The following PARP11 variants were observed in gnomAD, a reference collection of about 807,000 sequenced individuals.
PARP11 encodes the protein poly(ADP-ribose) polymerase family member 11, also known as protein mono-ADP-ribosyltransferase PARP11.
Under a neutral mutation model 42.9 loss-of-function variants are expected in PARP11, and 31 were observed. The ratio of observed to expected loss-of-function variants is 0.72; its 90% CI spans 0.54 to 0.98. The LOEUF is 0.98. Ranked by LOEUF, PARP11 falls within the 50% of genes least tolerant of loss-of-function variation. PARP11 has a pLI of 0.00. For missense variants in PARP11, 365 were observed against 413.1 expected (o/e 0.88, Z 1.01); for synonymous variants, 137 against 127.3 (o/e 1.08, Z -0.51).
chr12:3,852,366 C>T (rs903348579), intron 1 of PARP11, among the ~76,000 whole-genome samples: 38 of 152,184 alleles, frequency 2.5e-4, no homozygotes, highest in Admixed American at 2.1e-3. Flanking sequence ...TTGAACCCAT[C>T]GCAAGGAAGC....
chr12:3,839,586 A>G, intron 1 of PARP11: 2 of 1,318,482 alleles, frequency 1.5e-6, no homozygotes, highest in South Asian at 2.4e-5. Flanking sequence ...AGCGCTTGGA[A>G]AATCCACAGG....
At chr12:3,842,503 G>A in intron 1 of PARP11, 3 of 1,595,410 alleles carry the variant, frequency 1.9e-6, no homozygotes, top group Non-Finnish European at 2.6e-6. Flanking sequence ...TGGCCATAGG[G>A]GACAGCACGC....
intron 7 of PARP11, among the ~76,000 whole-genome samples, chr12:3,813,073 G>A (rs551581069): frequency 7.2e-5 from 11 of 152,248 alleles, no homozygotes; most frequent in African/African-American, 2.4e-4. Context: ...CCAAACTGCT[G>A]GGATTACAGG....
intron 1 of PARP11, among the ~76,000 whole-genome samples, chr12:3,865,062 T>C (rs2138126212): frequency 6.6e-6 from 1 of 152,302 alleles, no homozygotes; most frequent in Admixed American, 6.5e-5. Flanking sequence ...CCTACAAATT[T>C]GATATGTTGT....
chr12:3,840,878 T>C lies in PARP11; in HGVS notation c.19-10860A>G. 2.5e-6 allele frequency: 4 copies of C among 1,600,812 alleles called. 1 individual carries two copies. In the Middle Eastern group the frequency reaches 5.0e-4, roughly 200 times the overall value. On this transcript the variant is annotated intron_variant, in intron 1 of 7. Transcript: ENST00000228820. This position sits in a 1 kb window ranked among gnomAD's most constrained non-coding sequence, Gnocchi z 4.4. ...CAAAAGCCAGCAGAACATGTGTCTT[T>C]GTCAAATCCAGCTCCCCTTCTAGTT...
chr12:3,865,685 T>G (rs1202441704), intron 1 of PARP11, among the ~76,000 whole-genome samples: 1 of 152,146 alleles, frequency 6.6e-6, no homozygotes, highest in African/African-American at 2.4e-5. Context: ...TTCATTAGTG[T>G]TAGCACTGTG....
chr12:3,811,755 A>G lies in PARP11; in HGVS notation c.*368T>C, dbSNP rs1441087223. 5.7e-6 allele frequency: 1 copy of G among 175,944 alleles called. No individual in the cohort carries two copies. Among genetic ancestry groups the G allele is most frequent in the Non-Finnish European group, 1.2e-5 (1 of 84,738 alleles). 10.9% of individuals were successfully genotyped at this position (175,944 alleles called of 1,614,324 possible). On this transcript the variant is annotated 3_prime_UTR_variant, in exon 8 of 8. Transcript: ENST00000228820. ...ATTTATGTCTGTATTTTTTTTCAAC[A>G]TTTATACGAATAAGTCTATTTAAAC...
intron 1 of PARP11, among the ~76,000 whole-genome samples, chr12:3,863,054 T>C (rs1591540015): frequency 1.3e-5 from 2 of 152,324 alleles, no homozygotes; most frequent in South Asian, 4.1e-4. Context: ...CAAGAATGTT[T>C]TGTAGGTTTC....
intron 1 of PARP11, among the ~76,000 whole-genome samples, chr12:3,839,067 C>G (rs982977020): frequency 1.3e-5 from 2 of 152,038 alleles, no homozygotes; most frequent in Non-Finnish European, 2.9e-5. Context: ...GGCGCGTGTT[C>G]GCTCCGAGGA....
At chr12:3,827,293 A>G (rs1408026848) in intron 3 of PARP11, among the ~76,000 whole-genome samples, 1 of 152,232 alleles carries the variant, frequency 6.6e-6, no homozygotes, top group Non-Finnish European at 1.5e-5. Context: ...AGTTATTAGT[A>G]TATGTAACTC....
intron 1 of PARP11, 90 bp from the exon 2 acceptor site, chr12:3,830,108 G>A: frequency 8.3e-7 from 1 of 1,199,186 alleles, no homozygotes; most frequent in Non-Finnish European, 1.2e-6. Flanking sequence ...TACAAAGAGT[G>A]GTATTCAAGT....
chr12:3,872,907 C>A, intron 1 of PARP11: 1 of 440,882 alleles, frequency 2.3e-6, no homozygotes, highest in African/African-American at 2.1e-5. Flanking sequence ...GCCTGGACAA[C>A]AGTGCGAGAC....
At position 3,836,233 on chromosome 12, in the gene PARP11, A is replaced by G. The variant is rs181819205; in HGVS notation, c.19-6215T>C. Among the ~76,000 whole-genome samples the G allele has an allele frequency of 6.0e-4, 92 of 152,206 alleles. 1 individual carries two copies. Among genetic ancestry groups the G allele is most frequent in the Non-Finnish European group, 1.2e-4 (8 of 68,012 alleles). On this transcript the variant is annotated intron_variant, in intron 1 of 7. Coordinates refer to ENST00000228820, the MANE Select transcript of PARP11 (RefSeq NM_020367.6). ...AAGAGAAAAACAACTGATCACATAT[A>G]AGAGAATCCTAATGAGATTAACAGC...
At chr12:3,858,608 A>G (rs529556313) in intron 1 of PARP11, among the ~76,000 whole-genome samples, 2 of 152,356 alleles carry the variant, frequency 1.3e-5, no homozygotes, top group East Asian at 3.9e-4. Context: ...AATACAGTGT[A>G]TAGGAGCATT....
rs564557030 is a variant in PARP11 at position 3,873,049 on chromosome 12, A to G, written c.18+163T>C. 4.6e-5 allele frequency among the ~76,000 whole-genome samples: 7 copies of G among 152,354 alleles called. No individual in the cohort carries two copies. In the East Asian group the frequency reaches 1.3e-3, roughly 29 times the overall value. The stretch of plus-strand genomic sequence containing the variant: ...ATCCACCCAGGCACTTCCACTGCTT[A>G]AAAAGGTACAGACTACAGAAGCCAA... On this transcript the variant is annotated intron_variant, in intron 1 of 7. Transcript: ENST00000228820.
intron 3 of PARP11, among the ~76,000 whole-genome samples, chr12:3,826,642 T>C (rs951216912): frequency 6.6e-6 from 1 of 152,194 alleles, no homozygotes; most frequent in African/African-American, 2.4e-5. Context: ...TGTACTTTCA[T>C]CTCTCCAAAA....
intron 1 of PARP11, among the ~76,000 whole-genome samples, chr12:3,844,312 T>C (rs1947955604): frequency 6.6e-6 from 1 of 152,254 alleles, no homozygotes; most frequent in Admixed American, 6.5e-5. Context: ...AGGAATTTGT[T>C]GTCACCTTCT....
At chr12:3,844,685 T>C (rs951711803) in intron 1 of PARP11, among the ~76,000 whole-genome samples, 7 of 152,216 alleles carry the variant, frequency 4.6e-5, no homozygotes, top group African/African-American at 1.7e-4. Flanking sequence ...ACTGATTTGC[T>C]TTCTGTTTCC....
At chr12:3,838,719 C>A (rs539485690) in intron 1 of PARP11, among the ~76,000 whole-genome samples, 69 of 152,312 alleles carry the variant, frequency 4.5e-4, no homozygotes, top group African/African-American at 1.5e-3. Flanking sequence ...CTTAGCAAGG[C>A]TAAGAAAAAA....
Sources: gnomAD v4.1 joint callset for allele counts (sites outside exome capture counted in the v4.1 genomes callset) on GRCh38, gnomAD v4.1.1 for gene constraint, Gnocchi (gnomAD v3.1) non-coding constraint, MANE v1.5 for transcripts, NCBI Gene and HGNC (gene_info 2026-07-23, HGNC 2026-07-21) for gene names.